ASXL1: variants seen among roughly 807,000 people sequenced by gnomAD.
The protein encoded by ASXL1 is ASXL transcriptional regulator 1.
ASXL1 carries 65 observed loss-of-function variants against 89.1 expected under a neutral mutation model. The ratio of observed to expected loss-of-function variants is 0.73; its 90% CI spans 0.60 to 0.90. ASXL1 has a LOEUF of 0.90. Among genes scored for constraint, ASXL1 ranks in the 40% least tolerant of loss-of-function variants. The probability of loss-of-function intolerance (pLI) is 0.00; values close to 1 mark genes in which losing one functional copy is unlikely to be tolerated. For missense variants in ASXL1, 1,786 were observed against 1,942.9 expected, an observed-to-expected ratio of 0.92 and a Z score of 1.52; for synonymous variants, 739 against 746.9, an observed-to-expected ratio of 0.99 and a Z score of 0.17.
At chr20:32,373,336 C>T (rs1344326958) in intron 4 of ASXL1, among the ~76,000 whole-genome samples, 1 of 151,982 alleles carries the variant, frequency 6.6e-6, no homozygotes, top group Admixed American at 6.6e-5. Flanking sequence ...GAGATCGTGC[C>T]ATTGCACTCC....
intron 4 of ASXL1, among the ~76,000 whole-genome samples, chr20:32,373,344 T>C (rs530840684): frequency 6.5e-4 from 99 of 152,130 alleles, no homozygotes; most frequent in African/African-American, 2.3e-3. Flanking sequence ...GCCATTGCAC[T>C]CCAGCCTGGG....
At chr20:32,366,618 G>A (rs759538853) in intron 2 of ASXL1, 152 bp downstream of exon 2, 37 of 1,499,724 alleles carry the variant, frequency 2.5e-5, no homozygotes, top group African/African-American at 2.4e-4. Context: ...ATTGTGTGTC[G>A]TCTCAGTGGA....
At chr20:32,384,309 C>T (rs560704253) in intron 4 of ASXL1, among the ~76,000 whole-genome samples, 1 of 147,992 alleles carries the variant, frequency 6.8e-6, no homozygotes, top group Non-Finnish European at 1.5e-5. Context: ...TGGGTTCAAG[C>T]GATTCTCCTG....
intron 4 of ASXL1, among the ~76,000 whole-genome samples, chr20:32,415,048 G>A (rs1008098144): frequency 6.6e-6 from 1 of 151,838 alleles, no homozygotes; most frequent in East Asian, 1.9e-4. Context: ...ATCTCTTGCC[G>A]CCCAGGCTGG....
At position 32,437,127 on chromosome 20, in the gene ASXL1, T is replaced by G; in HGVS notation, c.4415T>G (p.Val1472Gly). 6.2e-7 allele frequency: 1 copy of G among 1,614,166 alleles called. No individual in the cohort carries two copies. The highest frequency in any genetic ancestry group is 8.5e-7 in the Non-Finnish European group (1 of 1,180,014). ...CCCAAAGGCCTTGCTGGAAGTGTGG[T>G]GCAGCTGAGCCACAAAGCAAACTTT... ...TFPKGLAGSVVQLSHKANFGA... is the reference protein window; with the variant it reads ...TFPKGLAGSVGQLSHKANFGA... Residue 1472 changes from valine to glycine, a missense_variant, in exon 13 of 13, where the codon GTG (valine) becomes GGG (glycine). Val to Gly is a moderately radical substitution (Grantham distance 109). Transcript: ENST00000375687.
At chr20:32,371,312 G>A (rs2048297158) in intron 4 of ASXL1, among the ~76,000 whole-genome samples, 1 of 152,034 alleles carries the variant, frequency 6.6e-6, no homozygotes, top group African/African-American at 2.4e-5. Flanking sequence ...TTGAGATAGG[G>A]TCTTGTTCTG....
intron 4 of ASXL1, among the ~76,000 whole-genome samples, chr20:32,373,249 C>T (rs1156544213): frequency 1.3e-5 from 2 of 151,716 alleles, no homozygotes; most frequent in African/African-American, 4.8e-5. Context: ...TGGTTGTGCA[C>T]GCCTGTAATC....
At position 32,358,691 on chromosome 20, in the gene ASXL1, G is replaced by C; in HGVS notation, c.-85G>C. Reference sequence around the variant, plus strand: ...GCTGCCACGCGCCCCCCCCACCGCCGCCGCCGCCCCAGCCCCGCGCCACCG... The same window carrying C: ...GCTGCCACGCGCCCCCCCCACCGCCCCCGCCGCCCCAGCCCCGCGCCACCG... On this transcript the variant is annotated 5_prime_UTR_variant, in exon 1 of 13. Coordinates refer to ENST00000375687, the MANE Select transcript of ASXL1 (RefSeq NM_015338.6). 1.6e-6 allele frequency: 1 copy of C among 630,944 alleles called. No homozygotes were observed. The highest frequency in any genetic ancestry group is 2.1e-6 in the Non-Finnish European group (1 of 485,574). 39.1% of individuals were successfully genotyped at this position (630,944 alleles called of 1,614,324 possible). A position where few individuals can be genotyped will look rare whatever the true frequency, so the allele number is the denominator to read the frequency against.
intron 12 of ASXL1, 173 bp from the exon 13 acceptor site, chr20:32,434,259 C>T: frequency 1.1e-6 from 1 of 871,730 alleles, no homozygotes; most frequent in Non-Finnish European, 1.8e-6. Context: ...GCAGAATCTT[C>T]TCTGAATGGT....
chr20:32,422,035 ATT>A (rs760163749), intron 4 of ASXL1, among the ~76,000 whole-genome samples: 14 of 135,102 alleles, frequency 1.0e-4, no homozygotes, highest in African/African-American at 1.1e-4. Context: ...CTCCTGGCTA[ATT>A]TTTTTTTTTT....
intron 4 of ASXL1, among the ~76,000 whole-genome samples, chr20:32,410,874 C>T (rs1278288984): frequency 1.3e-5 from 2 of 151,524 alleles, no homozygotes; most frequent in African/African-American, 2.4e-5. Context: ...GCTAAAAATA[C>T]AAAAAAATTA....
chr20:32,420,736 A>G (rs779672840), intron 4 of ASXL1, among the ~76,000 whole-genome samples: 18 of 152,192 alleles, frequency 1.2e-4, no homozygotes, highest in Non-Finnish European at 2.6e-4. Context: ...CGTACTCATC[A>G]TCAGTATTAA....
intron 4 of ASXL1, among the ~76,000 whole-genome samples, chr20:32,401,386 TTG>T (rs1161070813): frequency 1.3e-5 from 2 of 152,140 alleles, no homozygotes; most frequent in African/African-American, 4.8e-5. Flanking sequence ...CAGCTACCAG[TTG>T]TCTGAATTTT....
At chr20:32,409,579 T>C (rs2049010770) in intron 4 of ASXL1, among the ~76,000 whole-genome samples, 1 of 152,210 alleles carries the variant, frequency 6.6e-6, no homozygotes, top group South Asian at 2.1e-4. Flanking sequence ...TGCTGTCTAA[T>C]GTGCATACTT....
chr20:32,358,598 C>G lies in ASXL1; in HGVS notation c.-178C>G, dbSNP rs886056589. 36 of 190,854 alleles carry G rather than the reference C, an allele frequency of 1.9e-4. No individual in the cohort carries two copies. The highest frequency in any genetic ancestry group is 3.6e-4 in the Non-Finnish European group (34 of 94,346). The allele number at this position is 190,854 out of a possible 1,614,324, so 11.8% of individuals were successfully genotyped here. A position where few individuals can be genotyped will look rare whatever the true frequency, so the allele number is the denominator to read the frequency against. On this transcript the variant is annotated 5_prime_UTR_variant, in exon 1 of 13. Coordinates refer to ENST00000375687, the MANE Select transcript of ASXL1 (RefSeq NM_015338.6). Reference sequence around the variant, plus strand: ...CCGCCGCCCCTCCCCCACCGCCGCTCTCGCGCCAGCCGGTCCCCGCGTGCC... The same window carrying G: ...CCGCCGCCCCTCCCCCACCGCCGCTGTCGCGCCAGCCGGTCCCCGCGTGCC...
intron 4 of ASXL1, among the ~76,000 whole-genome samples, chr20:32,403,639 A>T (rs1379940279): frequency 1.3e-5 from 2 of 151,942 alleles, no homozygotes; most frequent in Non-Finnish European, 2.9e-5. Context: ...GGTCTCAAAC[A>T]CCTGGGCTCA....
At chr20:32,358,902 T>TGGG (rs578092988) in intron 1 of ASXL1, 70 bp downstream of exon 1, 1 of 1,298,796 alleles carries the variant, frequency 7.7e-7, no homozygotes, top group Non-Finnish European at 1.0e-6. Context: ...ACCCCCCCAC[T>TGGG]GGGGGGGGAG....
chr20:32,407,891 TA>T (rs1339432491), intron 4 of ASXL1, among the ~76,000 whole-genome samples: 1 of 152,206 alleles, frequency 6.6e-6, no homozygotes, highest in African/African-American at 2.4e-5. Flanking sequence ...TGCACAAAAA[TA>T]TTTTTTGGCT....
chr20:32,435,992 C>T lies in ASXL1; in HGVS notation c.3280C>T (p.Leu1094=), dbSNP rs773004587. Residue 1094 remains leucine, a synonymous_variant, in exon 13 of 13, where the codon CTG becomes TTG. Transcript: ENST00000375687. ...TGAGTACCAGCCAAGAGCCGTGTGCCTGTCCATGCCTGGGTCCTCAGTGGA... is the reference window on the plus strand; with the variant it reads ...TGAGTACCAGCCAAGAGCCGTGTGCTTGTCCATGCCTGGGTCCTCAGTGGA... ...STEYQPRAVC[L]SMPGSSVEAT... is the part of the protein sequence containing the mutation. The T allele has an allele frequency of 1.9e-6, 3 of 1,614,154 alleles. No individual in the cohort carries two copies. The highest frequency in any genetic ancestry group is 2.5e-6 in the Non-Finnish European group (3 of 1,180,036).
Sources: allele counts gnomAD v4.1 joint callset (sites outside exome capture counted in the v4.1 genomes callset), GRCh38; gene constraint gnomAD v4.1.1; transcripts MANE v1.5; gene names NCBI Gene and HGNC (gene_info 2026-07-23, HGNC 2026-07-21).